NARS2: variants seen among roughly 807,000 people sequenced by gnomAD.
NARS2 encodes asparaginyl-tRNA synthetase.
In NARS2, 60 loss-of-function variants were observed where a neutral mutation model predicts 62.9. The ratio of observed to expected loss-of-function variants is 0.95; its 90% confidence interval spans 0.77 to 1.18. The LOEUF is 1.18. Ranked by LOEUF, NARS2 falls within the 50% of genes most tolerant of loss-of-function variation. NARS2 has a pLI of 0.00. For missense variants in NARS2, 619 were observed against 576.4 expected (o/e 1.07, Z -0.76); for synonymous variants, 196 against 200.0 (o/e 0.98, Z 0.17).
intron 6 of NARS2, among the ~76,000 whole-genome samples, chr11:78,523,524 A>T (rs1034182213): frequency 1.3e-5 from 2 of 152,248 alleles, no homozygotes; most frequent in Non-Finnish European, 2.9e-5. Context: ...AAATGTTCAC[A>T]GCAACATTAC....
chr11:78,453,139 G>A (rs894433706), intron 11 of NARS2, among the ~76,000 whole-genome samples: 2 of 152,162 alleles, frequency 1.3e-5, no homozygotes, highest in Admixed American at 6.5e-5. Context: ...TAGCTCTGCC[G>A]ACCTTTTACT....
chr11:78,553,468 T>C (rs1856207189), intron 5 of NARS2, among the ~76,000 whole-genome samples: 1 of 152,134 alleles, frequency 6.6e-6, no homozygotes, highest in Non-Finnish European at 1.5e-5. Context: ...TTTGTATTTT[T>C]AGTAGAGAAA....
intron 5 of NARS2, among the ~76,000 whole-genome samples, chr11:78,536,036 A>C (rs527344910): frequency 6.6e-6 from 1 of 152,326 alleles, no homozygotes; most frequent in South Asian, 2.1e-4. Context: ...ATACAGATAA[A>C]ATATAGTCAT....
chr11:78,551,450 A>G (rs527648794), intron 5 of NARS2, among the ~76,000 whole-genome samples: 32 of 152,250 alleles, frequency 2.1e-4, no homozygotes, highest in Non-Finnish European at 3.5e-4. Context: ...TGGGATCACC[A>G]TGGTATATGT....
intron 6 of NARS2, among the ~76,000 whole-genome samples, chr11:78,516,630 A>G (rs1419891805): frequency 6.6e-6 from 1 of 152,226 alleles, no homozygotes; most frequent in Non-Finnish European, 1.5e-5. Flanking sequence ...AATAAATTGA[A>G]CTGAGACTGA....
chr11:78,438,547 T>C (rs1857481682), intron 13 of NARS2, among the ~76,000 whole-genome samples: 1 of 152,238 alleles, frequency 6.6e-6, no homozygotes, highest in Non-Finnish European at 1.5e-5. Context: ...CTGGCATGAA[T>C]ATCTGCAAAC....
chr11:78,520,037 C>T (rs1004856085), intron 6 of NARS2, among the ~76,000 whole-genome samples: 2 of 151,780 alleles, frequency 1.3e-5, no homozygotes, highest in Non-Finnish European at 2.9e-5. Context: ...ATAAAAACAG[C>T]TAATATTTTT....
chr11:78,449,761 C>T (rs1025908903), intron 11 of NARS2, among the ~76,000 whole-genome samples: 7 of 152,158 alleles, frequency 4.6e-5, no homozygotes, highest in Admixed American at 1.3e-4. Context: ...CCTCTACCCA[C>T]TATAGGCCAG....
intron 5 of NARS2, among the ~76,000 whole-genome samples, chr11:78,538,316 G>A (rs2135452715): frequency 6.6e-6 from 1 of 152,222 alleles, no homozygotes; most frequent in African/African-American, 2.4e-5. Flanking sequence ...GCATTTCCGT[G>A]ATAATCTGTA....
intron 5 of NARS2, among the ~76,000 whole-genome samples, chr11:78,538,545 G>A (rs1196084156): frequency 6.6e-6 from 1 of 152,138 alleles, no homozygotes; most frequent in Non-Finnish European, 1.5e-5. Flanking sequence ...AGACCTGAAA[G>A]ATAAGAATGT....
At chr11:78,446,785 A>G (rs1857775913) in intron 11 of NARS2, among the ~76,000 whole-genome samples, 1 of 152,176 alleles carries the variant, frequency 6.6e-6, no homozygotes, top group Non-Finnish European at 1.5e-5. Context: ...AGTCTGGGCA[A>G]TGATTTTTTT....
chr11:78,543,399 C>T (rs1225486056), intron 5 of NARS2, among the ~76,000 whole-genome samples: 1 of 151,994 alleles, frequency 6.6e-6, no homozygotes, highest in Non-Finnish European at 1.5e-5. Context: ...TGGTATTGGC[C>T]CTAAAGAGTA....
intron 6 of NARS2, among the ~76,000 whole-genome samples, chr11:78,508,883 G>C (rs1468332811): frequency 6.6e-6 from 1 of 152,130 alleles, no homozygotes; most frequent in Non-Finnish European, 1.5e-5. Context: ...GGGAGGCTGA[G>C]GTGGGAGGAT....
At position 78,486,179 on chromosome 11, in the gene NARS2, A is replaced by T. The variant is rs555617368; in HGVS notation, c.822+6884T>A. On this transcript the variant is annotated intron_variant, in intron 7 of 13. Transcript: ENST00000281038. Reference sequence around the variant, plus strand: ...AGTGAGCCACTGCACCCAGCCTATTATTTTTTTTTAAATATTTTCTCTTGT... The same window carrying T: ...AGTGAGCCACTGCACCCAGCCTATTTTTTTTTTTTAAATATTTTCTCTTGT... Among the ~76,000 whole-genome samples, 372 of 151,498 alleles carry T rather than the reference A, an allele frequency of 2.5e-3. 2 individuals are homozygous for T. The highest frequency in any genetic ancestry group is 8.6e-3 in the African/African-American group (355 of 41,336).
rs1352847845 is a variant in NARS2, at chr11:78,508,984, G to GCA, written c.690-15791_690-15790dup. 3.3e-5 allele frequency among the ~76,000 whole-genome samples: 5 copies of GCA among 151,808 alleles called. No individual in the cohort carries two copies. The East Asian group carries it at 9.8e-4, about 30-fold the overall frequency. ...ACAAAAATCAGCTGGGTATAGTGGT[G>GCA]CACGCATGTAGTCCCAGCTACTCAA... On this transcript the variant is annotated intron_variant, in intron 6 of 13. Coordinates refer to ENST00000281038, the MANE Select transcript of NARS2 (RefSeq NM_024678.6).
At chr11:78,552,007 T>A (rs1430340166) in intron 5 of NARS2, among the ~76,000 whole-genome samples, 1 of 152,102 alleles carries the variant, frequency 6.6e-6, no homozygotes, top group African/African-American at 2.4e-5. Context: ...CTACATTCAT[T>A]TTATATTTTA....
At chr11:78,462,518 AAC>A in intron 11 of NARS2, among the ~76,000 whole-genome samples, 1 of 152,356 alleles carries the variant, frequency 6.6e-6, no homozygotes, top group Non-Finnish European at 1.5e-5. Context: ...AGTGGAAAAA[AAC>A]ACAGACTTTA....
At chr11:78,452,862 G>A (rs148953228) in intron 11 of NARS2, among the ~76,000 whole-genome samples, 2 of 152,212 alleles carry the variant, frequency 1.3e-5, no homozygotes, top group Admixed American at 1.3e-4. Flanking sequence ...ATGGACAATC[G>A]TCTGTACTTT....
At chr11:78,517,872 G>A (rs1241329580) in intron 6 of NARS2, among the ~76,000 whole-genome samples, 1 of 152,024 alleles carries the variant, frequency 6.6e-6, no homozygotes, top group Non-Finnish European at 1.5e-5. Context: ...TATCCACACA[G>A]GGTTAACTTT....
Sources: allele counts gnomAD v4.1 joint callset (sites outside exome capture counted in the v4.1 genomes callset), GRCh38; gene constraint gnomAD v4.1.1; transcripts MANE v1.5; gene names NCBI Gene and HGNC (gene_info 2026-07-23, HGNC 2026-07-21).